Variants in DACH2 observed in about 807,000 individuals in gnomAD.
DACH2 encodes the protein dachshund family transcription factor 2, also known as dachshund homolog 2.
A neutral mutation model predicts 35.8 loss-of-function variants in DACH2; 17 were observed. The observed-to-expected ratio is 0.48, with a 90% CI of 0.33 to 0.71. The LOEUF is 0.71. DACH2 is among the 30% of genes least tolerant of loss of function. The probability of loss-of-function intolerance (pLI) is 0.02; values close to 1 mark genes in which losing one functional copy is unlikely to be tolerated. For synonymous variants in DACH2, 195 were observed against 177.3 expected, an observed-to-expected ratio of 1.10 and a Z score of -0.79; for missense variants, 469 against 472.7, an observed-to-expected ratio of 0.99 and a Z score of 0.07.
intron 2 of DACH2, among the ~76,000 whole-genome samples, chrX:86,415,979 A>C (rs772756123): frequency 3.9e-4 from 44 of 112,191 alleles, no homozygotes; most frequent in African/African-American, 1.3e-3. Flanking sequence ...TCAAGACATC[A>C]AAGCTCCTTC....
At chrX:86,307,531 A>T (rs2034714417) in intron 1 of DACH2, among the ~76,000 whole-genome samples, 2 of 111,576 alleles carry the variant, frequency 1.8e-5, no homozygotes, top group South Asian at 3.8e-4. Context: ...TAGTGGCAAC[A>T]TCCCCTCCCT....
chrX:86,264,815 T>C (rs1229633537), intron 1 of DACH2, among the ~76,000 whole-genome samples: 1 of 111,635 alleles, frequency 9.0e-6, no homozygotes, highest in African/African-American at 3.3e-5. Flanking sequence ...TTTTCACAGC[T>C]CATGGCACTA....
In DACH2 at chrX:86,514,385, C is replaced by T. The variant is rs2148270728; in HGVS notation, c.634C>T (p.Pro212Ser). 10 of 1,205,748 alleles carry T rather than the reference C, an allele frequency of 8.3e-6. No individual in the cohort carries two copies. The South Asian group carries it at 1.1e-4, about 13-fold the overall frequency. The change falls in exon 3 of 12, where the codon CCG (proline) becomes TCG (serine). Residue 212 changes from proline (P) to serine (S), a missense_variant. This residue lies in a region of DACH2 where 363 missense variants were observed against 334.4 expected (regional missense o/e 1.09). Coordinates refer to ENST00000373125, the MANE Select transcript of DACH2 (RefSeq NM_053281.3). ...CCTCTTATCGCCAGGACTTATCACT[C>T]CGACAGGTAATAAAATCCATCTGAT... is the stretch of plus-strand genomic sequence containing the variant. ...PGLLSPGLIT[P>S]TGITAAAMAE...
At chrX:86,749,536 A>G (rs960428569) in intron 7 of DACH2, among the ~76,000 whole-genome samples, 2 of 111,461 alleles carry the variant, frequency 1.8e-5, no homozygotes, top group African/African-American at 6.5e-5. Flanking sequence ...GCATTTATCA[A>G]TTACGTTTGC....
intron 1 of DACH2, among the ~76,000 whole-genome samples, chrX:86,155,629 T>C (rs938145765): frequency 2.7e-5 from 3 of 111,559 alleles, no homozygotes; most frequent in African/African-American, 9.7e-5. Flanking sequence ...GTAGGTGATA[T>C]AACTTTTCAG....
At chrX:86,208,733 C>A (rs189913219) in intron 1 of DACH2, among the ~76,000 whole-genome samples, 28 of 111,603 alleles carry the variant, frequency 2.5e-4, no homozygotes, top group Admixed American at 2.4e-3. Context: ...CACCCCTTGA[C>A]TTAAGTTGAA....
intron 1 of DACH2, among the ~76,000 whole-genome samples, chrX:86,305,903 C>T (rs1456260399): frequency 8.9e-6 from 1 of 111,789 alleles, no homozygotes; most frequent in Non-Finnish European, 1.9e-5. Context: ...GATGTCATCT[C>T]ACACCAGTTA....
intron 6 of DACH2, among the ~76,000 whole-genome samples, chrX:86,725,053 C>A (rs2041450590): frequency 9.4e-6 from 1 of 106,636 alleles, no homozygotes; most frequent in Non-Finnish European, 1.9e-5. Flanking sequence ...CAATATCTGT[C>A]TTCTTGGTAA....
intron 3 of DACH2, among the ~76,000 whole-genome samples, chrX:86,633,258 GA>G (rs1171758247): frequency 9.0e-6 from 1 of 110,989 alleles, no homozygotes; most frequent in Non-Finnish European, 1.9e-5. Flanking sequence ...AATTAAAAAT[GA>G]AAAAGAGACA....
chrX:86,575,699 A>G (rs1447717697), intron 3 of DACH2, among the ~76,000 whole-genome samples: 2 of 111,934 alleles, frequency 1.8e-5, no homozygotes, highest in East Asian at 5.7e-4. Context: ...ACAAGTGCAC[A>G]ATAAGTACTG....
intron 4 of DACH2, among the ~76,000 whole-genome samples, chrX:86,690,786 G>A (rs2041000731): frequency 8.9e-6 from 1 of 111,891 alleles, no homozygotes; most frequent in Non-Finnish European, 1.9e-5. Flanking sequence ...AAAAAATGTA[G>A]TTCTCTCTAG....
intron 2 of DACH2, among the ~76,000 whole-genome samples, chrX:86,401,156 G>A (rs1025829329): frequency 5.3e-5 from 6 of 112,195 alleles, no homozygotes; most frequent in African/African-American, 1.3e-4. Flanking sequence ...TTGAGGCTCC[G>A]TGGGTGTAGG....
At chrX:86,363,914 C>T (rs1425328943) in intron 1 of DACH2, among the ~76,000 whole-genome samples, 1 of 111,433 alleles carries the variant, frequency 9.0e-6, no homozygotes, top group Admixed American at 9.6e-5. Context: ...AAATTATCCT[C>T]TGCTGCTGCT....
At chrX:86,455,091 T>C (rs2037451034) in intron 2 of DACH2, among the ~76,000 whole-genome samples, 1 of 110,755 alleles carries the variant, frequency 9.0e-6, no homozygotes, top group Non-Finnish European at 1.9e-5. Context: ...TTTTTTCCTG[T>C]ACCTGGAGGT....
At chrX:86,434,672 ACT>A (rs769438136) in intron 2 of DACH2, among the ~76,000 whole-genome samples, 144 of 111,286 alleles carry the variant, frequency 1.3e-3, no homozygotes, top group African/African-American at 4.7e-3. Context: ...TTTTTCCACC[ACT>A]GTTTTTGTTT....
At chrX:86,653,835 TTG>T (rs1198422873) in intron 4 of DACH2, among the ~76,000 whole-genome samples, 3 of 108,914 alleles carry the variant, frequency 2.8e-5, no homozygotes, top group Admixed American at 2.0e-4. Flanking sequence ...CCTGGCTAAT[TTG>T]TGTACTTTTA....
intron 1 of DACH2, among the ~76,000 whole-genome samples, chrX:86,246,063 G>T (rs1291707667): frequency 5.4e-5 from 6 of 111,287 alleles, no homozygotes; most frequent in Non-Finnish European, 1.1e-4. Flanking sequence ...GCCGAGGAAA[G>T]GATCTCAGGG....
chrX:86,680,335 C>T (rs1420325576), intron 4 of DACH2, among the ~76,000 whole-genome samples: 3 of 111,886 alleles, frequency 2.7e-5, no homozygotes, highest in Non-Finnish European at 5.6e-5. Context: ...CTATTGTGTG[C>T]AGGTAGTGAA....
chrX:86,542,120 T>C (rs2038892548), intron 3 of DACH2, among the ~76,000 whole-genome samples: 1 of 111,801 alleles, frequency 8.9e-6, no homozygotes, highest in Admixed American at 9.5e-5. Flanking sequence ...TATGGTCTGC[T>C]TTTTATCCAT....
Sources: gnomAD v4.1 joint callset for allele counts (sites outside exome capture counted in the v4.1 genomes callset) on GRCh38, gnomAD v4.1.1 for gene constraint, gnomAD v4.1.1 regional missense constraint, MANE v1.5 for transcripts, NCBI Gene and HGNC (gene_info 2026-07-23, HGNC 2026-07-21) for gene names.